Variants in TMEM135 observed in about 807,000 individuals in gnomAD.
TMEM135 encodes peroxisomal membrane protein 52.
In TMEM135, 30 loss-of-function variants were observed where a neutral mutation model predicts 60.3. The observed-to-expected ratio is 0.50, with a 90% CI of 0.37 to 0.68. The LOEUF (loss-of-function observed/expected upper bound fraction) is 0.68, where lower values mean the gene tolerates loss of function less well. Among genes scored for constraint, TMEM135 ranks in the 30% least tolerant of loss-of-function variants. TMEM135 has a pLI of 0.00. For synonymous variants in TMEM135, 190 were observed against 186.7 expected, an observed-to-expected ratio of 1.02 and a Z score of -0.14; for missense variants, 468 against 548.8, an observed-to-expected ratio of 0.85 and a Z score of 1.47.
chr11:87,166,130 A>G (rs535791987), intron 5 of TMEM135, among the ~76,000 whole-genome samples: 4 of 151,686 alleles, frequency 2.6e-5, no homozygotes, highest in Non-Finnish European at 4.4e-5. Flanking sequence ...TCTTTTGAGA[A>G]GTGTCTGTTC....
intron 6 of TMEM135, among the ~76,000 whole-genome samples, chr11:87,263,020 T>G (rs1441225722): frequency 6.6e-6 from 1 of 151,988 alleles, no homozygotes; most frequent in Non-Finnish European, 1.5e-5. Flanking sequence ...AAAACCTTTC[T>G]TCCTTTTTGT....
chr11:87,219,451 G>T (rs2135351949), intron 5 of TMEM135, among the ~76,000 whole-genome samples: 1 of 152,064 alleles, frequency 6.6e-6, no homozygotes, highest in East Asian at 1.9e-4. Flanking sequence ...TGTGCATGTG[G>T]TCAGGGGGTG....
chr11:87,269,254 A>C (rs1412366313), intron 6 of TMEM135, among the ~76,000 whole-genome samples: 1 of 140,940 alleles, frequency 7.1e-6, no homozygotes, highest in East Asian at 2.2e-4. Flanking sequence ...CTTGTAATAG[A>C]TTTCAGAGAG....
Position 87,039,951 on chromosome 11 carries a change from A to C in TMEM135, c.141+1765A>C, listed in dbSNP as rs539219830. Among the ~76,000 whole-genome samples the C allele has an allele frequency of 8.5e-5, 13 of 152,312 alleles. No homozygotes were observed. In the South Asian group the frequency reaches 1.9e-3, roughly 22 times the overall value. The stretch of plus-strand genomic sequence containing the variant: ...AAACATAGGTTCTCCTACTCCAACA[A>C]GGTAGGTTGGGGGTGTTCAGGAAAA... On this transcript the variant is annotated intron_variant, in intron 1 of 14. Coordinates refer to ENST00000305494, the MANE Select transcript of TMEM135 (RefSeq NM_022918.4).
chr11:87,246,911 G>A (rs1941290867), intron 6 of TMEM135, among the ~76,000 whole-genome samples: 1 of 128,502 alleles, frequency 7.8e-6, no homozygotes, highest in Non-Finnish European at 1.7e-5. Flanking sequence ...GCGTTCCTTT[G>A]GAGGAGGAGC....
intron 3 of TMEM135, among the ~76,000 whole-genome samples, chr11:87,086,611 G>T (rs575800335): frequency 6.6e-6 from 1 of 152,162 alleles, no homozygotes. Context: ...CTCAGAATAG[G>T]GAAGTGCTTG....
At chr11:87,308,737 C>T (rs1300884054) in intron 9 of TMEM135, among the ~76,000 whole-genome samples, 3 of 152,128 alleles carry the variant, frequency 2.0e-5, no homozygotes, top group East Asian at 1.9e-4. Flanking sequence ...TACAGTCTCT[C>T]AGACATCTAA....
At position 87,102,716 on chromosome 11, in the gene TMEM135, A is replaced by ATATATATG. The variant is rs1565441735; in HGVS notation, c.396+11328_396+11329insGTATATAT. ...TGTATATATATATGTATATATATGT[A>ATATATATG]TATATATATATGTATATATATATGT... On this transcript the variant is annotated intron_variant, in intron 4 of 14. Transcript: ENST00000305494. Among the ~76,000 whole-genome samples, 243 of 78,704 alleles carry ATATATATG rather than the reference A, an allele frequency of 3.1e-3. 4 individuals are homozygous for ATATATATG. The highest frequency in any genetic ancestry group is 0.018 in the African/African-American group (227 of 12,854). The allele number at this position is 78,704 out of a possible 152,430, so 51.6% of individuals were successfully genotyped here. A position where few individuals can be genotyped will look rare whatever the true frequency, so the allele number is the denominator to read the frequency against.
chr11:87,241,076 T>C (rs1941122865), intron 6 of TMEM135, among the ~76,000 whole-genome samples: 1 of 152,234 alleles, frequency 6.6e-6, no homozygotes, highest in South Asian at 2.1e-4. Context: ...TCTAATCAAT[T>C]CTCTGTGAAG....
chr11:87,194,578 G>A (rs1939889531), intron 5 of TMEM135, among the ~76,000 whole-genome samples: 1 of 152,018 alleles, frequency 6.6e-6, no homozygotes, highest in African/African-American at 2.4e-5. Flanking sequence ...TATATACAGT[G>A]GAAAACTTGG....
At chr11:87,187,477 C>T (rs985228292) in intron 5 of TMEM135, among the ~76,000 whole-genome samples, 1 of 152,212 alleles carries the variant, frequency 6.6e-6, no homozygotes, top group African/African-American at 2.4e-5. Context: ...ATATAACCCT[C>T]CCATGGGCTT....
chr11:87,309,517 A>C lies in TMEM135; in HGVS notation c.781A>C (p.Met261Leu), dbSNP rs562170160. ...AAATTTCCTCTAGGGTTTCATCAGA[A>C]TGTTTAGCGTGGGGTACTTGATCCA... ...ISYCIKGFIR[M>L]FSVGYLIQCC... Residue 261 changes from methionine (M) to leucine (L), a missense_variant, in exon 10 of 15, where the codon ATG becomes CTG. Met to Leu is a conservative substitution (Grantham distance 15). Coordinates refer to ENST00000305494, the MANE Select transcript of TMEM135 (RefSeq NM_022918.4). The C allele has an allele frequency of 6.2e-7, 1 of 1,613,710 alleles. No individual in the cohort carries two copies. Among genetic ancestry groups the C allele is most frequent in the East Asian group, 2.2e-5 (1 of 44,852 alleles).
chr11:87,318,056 A>G, intron 12 of TMEM135, 81 bp from the exon 13 acceptor site: 1 of 1,042,080 alleles, frequency 9.6e-7, no homozygotes, highest in Non-Finnish European at 1.5e-6. Flanking sequence ...GAAAGGTTGT[A>G]GGCAGGGAGC....
At chr11:87,248,892 T>G (rs902152125) in intron 6 of TMEM135, among the ~76,000 whole-genome samples, 1 of 152,198 alleles carries the variant, frequency 6.6e-6, no homozygotes, top group African/African-American at 2.4e-5. Flanking sequence ...ATTACTTTCT[T>G]GATTTATTTT....
intron 5 of TMEM135, among the ~76,000 whole-genome samples, chr11:87,193,048 A>G (rs991957125): frequency 3.3e-5 from 5 of 152,112 alleles, no homozygotes; most frequent in Non-Finnish European, 7.4e-5. Flanking sequence ...CTGGGAGGCA[A>G]AGGTTGCAGT....
At chr11:87,205,507 A>C (rs1161522796) in intron 5 of TMEM135, among the ~76,000 whole-genome samples, 1 of 152,340 alleles carries the variant, frequency 6.6e-6, no homozygotes, top group South Asian at 2.1e-4. Flanking sequence ...CAAAACTCAT[A>C]GTTGAGCAGG....
intron 5 of TMEM135, among the ~76,000 whole-genome samples, chr11:87,201,644 C>T (rs574621588): frequency 6.6e-6 from 1 of 152,254 alleles, no homozygotes; most frequent in East Asian, 1.9e-4. Flanking sequence ...GTTAGCTGTA[C>T]ATTATAAAAG....
chr11:87,115,909 A>G (rs1290853253), intron 4 of TMEM135, among the ~76,000 whole-genome samples: 3 of 152,202 alleles, frequency 2.0e-5, no homozygotes, highest in Admixed American at 6.5e-5. Context: ...TAAACATTAA[A>G]TTGATTTATA....
At chr11:87,105,428 A>T (rs974242496) in intron 4 of TMEM135, among the ~76,000 whole-genome samples, 1 of 152,052 alleles carries the variant, frequency 6.6e-6, no homozygotes, top group Non-Finnish European at 1.5e-5. Context: ...TCATCCTGAA[A>T]CCAACTCCCA....
Sources: gnomAD v4.1 joint callset for allele counts (sites outside exome capture counted in the v4.1 genomes callset) on GRCh38, gnomAD v4.1.1 for gene constraint, MANE v1.5 for transcripts, NCBI Gene and HGNC (gene_info 2026-07-23, HGNC 2026-07-21) for gene names.